SHROOM3: variants seen among roughly 807,000 people sequenced by gnomAD.
The protein encoded by SHROOM3 is shroom family member 3, also known as protein Shroom3.
SHROOM3 carries 47 observed loss-of-function variants against 138.6 expected under a neutral mutation model. The observed-to-expected ratio is 0.34, with a 90% CI of 0.27 to 0.43. The LOEUF is 0.43. SHROOM3 is among the 20% of genes least tolerant of loss of function. The pLI is 1.00. For missense variants in SHROOM3, 2,491 were observed against 2,596.5 expected (o/e 0.96, Z 0.88); for synonymous variants, 1,062 against 1,063.3 (o/e 1.00, Z 0.02).
chr4:76,739,536 A>G lies in SHROOM3; in HGVS notation c.1363A>G (p.Lys455Glu), dbSNP rs1272512788. ...GAAGCCCAAGCATAACTATACCCAGAAGGCCCAACCTGGCCAACCTCTGCT... is the reference window on the plus strand; with the variant it reads ...GAAGCCCAAGCATAACTATACCCAGGAGGCCCAACCTGGCCAACCTCTGCT... ...PVKPKHNYTQ[K>E]AQPGQPLLPT... Residue 455 changes from lysine (K) to glutamate (E), a missense_variant, in exon 5 of 11, where the codon AAG becomes GAG. By Grantham distance (56) the Lys-to-Glu change is moderately conservative. Transcript: ENST00000296043. 1 of 1,614,140 alleles carries G rather than the reference A, an allele frequency of 6.2e-7. No homozygotes were observed. The highest frequency in any genetic ancestry group is 2.2e-5 in the East Asian group (1 of 44,862).
chr4:76,458,980 G>T (rs1273385530), intron 1 of SHROOM3, among the ~76,000 whole-genome samples: 1 of 152,168 alleles, frequency 6.6e-6, no homozygotes, highest in African/African-American at 2.4e-5. Context: ...TAAAGAGCAG[G>T]AATCTATTAA....
intron 1 of SHROOM3, among the ~76,000 whole-genome samples, chr4:76,550,170 TATTAAA>T (rs1197701087): frequency 1.3e-5 from 2 of 152,208 alleles, no homozygotes; most frequent in East Asian, 3.9e-4. Context: ...ATATGAAATA[TATTAAA>T]AGTATACTAG....
chr4:76,667,626 T>A (rs1473014769), intron 2 of SHROOM3, among the ~76,000 whole-genome samples: 1 of 152,062 alleles, frequency 6.6e-6, no homozygotes, highest in Non-Finnish European at 1.5e-5. Flanking sequence ...TTATGTATTC[T>A]TTACAACAAT....
intron 2 of SHROOM3, among the ~76,000 whole-genome samples, chr4:76,588,754 TA>T (rs1734201750): frequency 6.6e-6 from 1 of 152,030 alleles, no homozygotes; most frequent in African/African-American, 2.4e-5. Context: ...TGGGTAGCCC[TA>T]GACACATGGA....
chr4:76,750,613 A>G (rs1721590300), intron 6 of SHROOM3, among the ~76,000 whole-genome samples: 1 of 152,196 alleles, frequency 6.6e-6, no homozygotes, highest in African/African-American at 2.4e-5. Flanking sequence ...CCCCAGCGTC[A>G]TGCAATTTAC....
chr4:76,751,815 T>A (rs1449833098), intron 6 of SHROOM3, among the ~76,000 whole-genome samples: 1 of 151,696 alleles, frequency 6.6e-6, no homozygotes, highest in Non-Finnish European at 1.5e-5. Context: ...AAACAACCAG[T>A]GTTGGTGAGG....
intron 1 of SHROOM3, among the ~76,000 whole-genome samples, chr4:76,461,883 G>T (rs960681243): frequency 3.9e-5 from 6 of 152,166 alleles, no homozygotes; most frequent in African/African-American, 1.4e-4. Context: ...GAATAAATCT[G>T]CACAGGCCAA....
intron 7 of SHROOM3, among the ~76,000 whole-genome samples, chr4:76,756,110 T>A (rs1431640977): frequency 6.6e-6 from 1 of 152,002 alleles, no homozygotes; most frequent in Non-Finnish European, 1.5e-5. Flanking sequence ...CCCTTTAGAG[T>A]GCTGTTGTTT....
At chr4:76,710,433 G>A in intron 3 of SHROOM3, 146 bp downstream of exon 3, 1 of 950,230 alleles carries the variant, frequency 1.1e-6, no homozygotes, top group Non-Finnish European at 1.6e-6. Context: ...AAGGAGGCGA[G>A]ATAGAAGCTC....
intron 2 of SHROOM3, among the ~76,000 whole-genome samples, chr4:76,584,572 A>T (rs1734113521): frequency 6.6e-6 from 1 of 152,206 alleles, no homozygotes; most frequent in Non-Finnish European, 1.5e-5. Flanking sequence ...TGGTCTTTTC[A>T]GGAATGGCGT....
At chr4:76,764,805 T>C (rs1722094593) in intron 9 of SHROOM3, among the ~76,000 whole-genome samples, 1 of 152,218 alleles carries the variant, frequency 6.6e-6, no homozygotes, top group African/African-American at 2.4e-5. Flanking sequence ...ATGATTTGGA[T>C]GGACTTAGTT....
chr4:76,700,350 C>T (rs1299151534), intron 2 of SHROOM3, among the ~76,000 whole-genome samples: 1 of 152,154 alleles, frequency 6.6e-6, no homozygotes, highest in African/African-American at 2.4e-5. Flanking sequence ...AACAGTTTGG[C>T]CCCCAGCCTG....
intron 1 of SHROOM3, among the ~76,000 whole-genome samples, chr4:76,452,114 T>C (rs1478296250): frequency 6.6e-6 from 1 of 152,240 alleles, no homozygotes; most frequent in Non-Finnish European, 1.5e-5. Context: ...TTAGGTCAGA[T>C]GAATAAAAGA....
chr4:76,650,001 G>A (rs902051852), intron 2 of SHROOM3, among the ~76,000 whole-genome samples: 2 of 152,166 alleles, frequency 1.3e-5, no homozygotes, highest in African/African-American at 4.8e-5. Context: ...TTCCTGGCTC[G>A]CAGGTGGCTT....
chr4:76,727,507 A>AAATT (rs1720746046), intron 3 of SHROOM3, among the ~76,000 whole-genome samples: 1 of 152,200 alleles, frequency 6.6e-6, no homozygotes, highest in African/African-American at 2.4e-5. Flanking sequence ...TTGGTGTCCA[A>AAATT]AATTAGAGAA....
Position 76,741,401 on chromosome 4 carries a change from C to T in SHROOM3, c.3228C>T (p.Pro1076=), listed in dbSNP as rs768793752. 18 of 1,600,424 alleles carry T rather than the reference C, an allele frequency of 1.1e-5. No individual in the cohort carries two copies. The highest frequency in any genetic ancestry group is 2.3e-5 in the East Asian group (1 of 44,202). The part of the protein sequence containing the change: ...KACSTLSLSG[P]ELKQFQQSAL... ...GCTCCACGCTCAGCCTGTCGGGGCC[C>T]GAGCTGAAGCAGTTCCAGCAGAGCG... The change falls in exon 5 of 11, where the codon CCC becomes CCT. Residue 1076 remains proline, a synonymous_variant. Transcript: ENST00000296043. This position sits in a 1 kb window ranked among gnomAD's most constrained non-coding sequence, Gnocchi z 6.2.
intron 4 of SHROOM3, among the ~76,000 whole-genome samples, chr4:76,735,772 G>A (rs759809214): frequency 4.0e-4 from 58 of 145,512 alleles, no homozygotes; most frequent in African/African-American, 1.1e-3. Context: ...CCCGGGAGGC[G>A]GTGGTTGCAG....
intron 10 of SHROOM3, among the ~76,000 whole-genome samples, chr4:76,778,381 C>G (rs1454018390): frequency 6.6e-6 from 1 of 152,060 alleles, no homozygotes; most frequent in Non-Finnish European, 1.5e-5. Flanking sequence ...ATCACCATGC[C>G]TAGGTGATTT....
chr4:76,507,096 A>G (rs1579200708), intron 1 of SHROOM3, among the ~76,000 whole-genome samples: 1 of 152,244 alleles, frequency 6.6e-6, no homozygotes, highest in African/African-American at 2.4e-5. Context: ...GAAAAAGATT[A>G]TAATTTGCAA....
Sources: gnomAD v4.1 joint callset for allele counts (sites outside exome capture counted in the v4.1 genomes callset) on GRCh38, gnomAD v4.1.1 for gene constraint, Gnocchi (gnomAD v3.1) non-coding constraint, MANE v1.5 for transcripts, NCBI Gene and HGNC (gene_info 2026-07-23, HGNC 2026-07-21) for gene names.